The following ROBO2 variants were observed in gnomAD, a reference collection of about 807,000 sequenced individuals.
The protein encoded by ROBO2 is roundabout homolog 2.
Under a neutral mutation model 160.8 loss-of-function variants are expected in ROBO2, and 53 were observed. The observed-to-expected ratio is 0.33, with a 90% CI of 0.26 to 0.41. The LOEUF (loss-of-function observed/expected upper bound fraction) is 0.41. Among genes scored for constraint, ROBO2 ranks in the 10% least tolerant of loss-of-function variants. The pLI is 1.00. For synonymous variants in ROBO2, 664 were observed against 611.7 expected, an observed-to-expected ratio of 1.09 and a Z score of -1.26; for missense variants, 1,577 against 1,722.4, an observed-to-expected ratio of 0.92 and a Z score of 1.49.
intron 2 of ROBO2, among the ~76,000 whole-genome samples, chr3:76,659,751 G>A (rs2091739797): frequency 6.6e-6 from 1 of 152,166 alleles, no homozygotes. Context: ...TGCCATTAGG[G>A]AGGCAAAGTA....
intron 2 of ROBO2, among the ~76,000 whole-genome samples, chr3:76,753,359 T>C (rs982303104): frequency 1.3e-4 from 20 of 152,040 alleles, no homozygotes; most frequent in African/African-American, 3.1e-4. Flanking sequence ...TAAACATATA[T>C]AATGTTTTAT....
intron 2 of ROBO2, among the ~76,000 whole-genome samples, chr3:76,195,896 T>C (rs990678199): frequency 6.6e-6 from 1 of 152,010 alleles, no homozygotes; most frequent in Non-Finnish European, 1.5e-5. Flanking sequence ...ACTTACGTCT[T>C]AGCCACATCC....
At chr3:77,288,717 G>A (rs1387882535) in intron 2 of ROBO2, among the ~76,000 whole-genome samples, 1 of 152,008 alleles carries the variant, frequency 6.6e-6, no homozygotes, top group Non-Finnish European at 1.5e-5. Context: ...TGTTACAACG[G>A]ATCTACAATT....
chr3:77,458,489 T>A (rs1158292091), intron 2 of ROBO2, among the ~76,000 whole-genome samples: 2 of 152,140 alleles, frequency 1.3e-5, no homozygotes, highest in African/African-American at 4.8e-5. Flanking sequence ...GGTTTCCGCA[T>A]ACCTATTAGG....
intron 5 of ROBO2, among the ~76,000 whole-genome samples, chr3:77,515,696 T>G (rs906821834): frequency 4.0e-5 from 6 of 151,712 alleles, no homozygotes; most frequent in Non-Finnish European, 8.8e-5. Context: ...CATCAGGATT[T>G]TTAAAAATTG....
intron 2 of ROBO2, among the ~76,000 whole-genome samples, chr3:76,907,186 C>T (rs909592237): frequency 6.6e-6 from 1 of 152,104 alleles, no homozygotes; most frequent in African/African-American, 2.4e-5. Context: ...ATAAAAAGAA[C>T]CTGAGTCCCC....
intron 2 of ROBO2, among the ~76,000 whole-genome samples, chr3:76,798,802 A>T (rs922817831): frequency 1.3e-5 from 2 of 152,138 alleles, no homozygotes; most frequent in African/African-American, 4.8e-5. Context: ...CTGAGATGGG[A>T]GAATTGGTTG....
chr3:75,914,298 A>G (rs902299032), intron 1 of ROBO2, among the ~76,000 whole-genome samples: 1 of 152,166 alleles, frequency 6.6e-6, no homozygotes, highest in African/African-American at 2.4e-5. Context: ...TAATCAGTGC[A>G]AATTGCTGAA....
intron 2 of ROBO2, among the ~76,000 whole-genome samples, chr3:77,263,029 CAG>C (rs2058877756): frequency 1.3e-5 from 2 of 152,126 alleles, no homozygotes; most frequent in South Asian, 4.2e-4. Context: ...CTGAGTAACA[CAG>C]TAACTAAATG....
chr3:77,138,578 T>C (rs950791194), intron 2 of ROBO2, among the ~76,000 whole-genome samples: 1 of 152,238 alleles, frequency 6.6e-6, no homozygotes. Flanking sequence ...AGACACTAAT[T>C]GTGAATAGAT....
At chr3:77,093,031 A>T (rs1166578515) in intron 1 of ROBO2, among the ~76,000 whole-genome samples, 2 of 152,020 alleles carry the variant, frequency 1.3e-5, no homozygotes, top group African/African-American at 4.8e-5. Context: ...CTTTGTTACC[A>T]CTTCCTCCTC....
chr3:76,780,884 C>T (rs1157938984), intron 2 of ROBO2, among the ~76,000 whole-genome samples: 3 of 148,780 alleles, frequency 2.0e-5, no homozygotes, highest in Non-Finnish European at 3.0e-5. Context: ...TTCAAGAGTG[C>T]TTTGGTTATT....
chr3:77,479,238 C>A (rs569220118), intron 3 of ROBO2, among the ~76,000 whole-genome samples: 45 of 152,258 alleles, frequency 3.0e-4, no homozygotes, highest in Middle Eastern at 3.4e-3. Flanking sequence ...TAGATAAAGT[C>A]TCAGATAACA....
chr3:77,466,605 A>G (rs1022048788), intron 2 of ROBO2, among the ~76,000 whole-genome samples: 11 of 152,166 alleles, frequency 7.2e-5, no homozygotes, highest in Non-Finnish European at 1.5e-4. Context: ...ATATAATTAT[A>G]TTTCTACTCT....
At chr3:76,995,847 A>G (rs1335267845) in intron 2 of ROBO2, among the ~76,000 whole-genome samples, 1 of 152,158 alleles carries the variant, frequency 6.6e-6, no homozygotes, top group African/African-American at 2.4e-5. Flanking sequence ...GATTCTGGGT[A>G]TTAGCCCTTT....
intron 2 of ROBO2, among the ~76,000 whole-genome samples, chr3:76,688,155 G>A (rs1359093088): frequency 6.6e-6 from 1 of 151,950 alleles, no homozygotes; most frequent in South Asian, 2.1e-4. Flanking sequence ...AATATTGTAT[G>A]GTGTATCTGC....
chr3:75,990,508 C>T (rs1050588552), intron 2 of ROBO2, among the ~76,000 whole-genome samples: 4 of 152,036 alleles, frequency 2.6e-5, no homozygotes, highest in African/African-American at 4.8e-5. Context: ...CATTAATGCT[C>T]AATTTAATTT....
chr3:76,880,155 T>G (rs951496782), intron 2 of ROBO2, among the ~76,000 whole-genome samples: 1 of 152,146 alleles, frequency 6.6e-6, no homozygotes, highest in Non-Finnish European at 1.5e-5. Context: ...TTTAATGTCC[T>G]TTAATGTCTC....
At position 77,579,013 on chromosome 3, in the gene ROBO2, A is replaced by G. The variant is rs1020931642; in HGVS notation, c.2329-934A>G. ...TTCACTAAGAACACAGATACCATAT[A>G]TCAATAAAAGAAACACATGATTCAC... On this transcript the variant is annotated intron_variant, in intron 15 of 25. Coordinates refer to ENST00000461745, the Ensembl canonical transcript of ROBO2. 1.3e-4 allele frequency among the ~76,000 whole-genome samples: 20 copies of G among 152,136 alleles called. 1 individual carries two copies. The highest frequency in any genetic ancestry group is 6.6e-5 in the Admixed American group (1 of 15,248).
Sources: allele counts gnomAD v4.1 joint callset (sites outside exome capture counted in the v4.1 genomes callset), GRCh38; gene constraint gnomAD v4.1.1; transcripts MANE v1.5; gene names NCBI Gene and HGNC (gene_info 2026-07-23, HGNC 2026-07-21).